The following TENM1 variants were observed in gnomAD, a reference collection of about 807,000 sequenced individuals.
TENM1 encodes the protein teneurin transmembrane protein 1.
Under a neutral mutation model 174.8 loss-of-function variants are expected in TENM1, and 35 were observed. That is an observed-to-expected ratio of 0.20 (90% CI 0.15 to 0.27). The LOEUF is 0.27. Among genes scored for constraint, TENM1 ranks in the 10% least tolerant of loss-of-function variants. The pLI, the probability that TENM1 is intolerant of heterozygous loss-of-function variation, is 1.00. For synonymous variants in TENM1, 781 were observed against 798.7 expected, an observed-to-expected ratio of 0.98 and a Z score of 0.37; for missense variants, 1,633 against 2,130.1, an observed-to-expected ratio of 0.77 and a Z score of 4.59.
the TENM1 span, among the ~76,000 whole-genome samples, chrX:124,971,861 G>T: frequency 8.9e-6 from 1 of 111,856 alleles, no homozygotes; most frequent in Non-Finnish European, 1.9e-5. Flanking sequence ...GTACGAGTTT[G>T]CTAGTTATAT....
chrX:124,402,309 A>G (rs2060409375), intron 27 of TENM1, among the ~76,000 whole-genome samples: 1 of 112,268 alleles, frequency 8.9e-6, no homozygotes, highest in Admixed American at 9.4e-5. Flanking sequence ...CACCTGGCCA[A>G]TAAGGGGCCT....
chrX:124,556,633 T>A (rs1459439069), intron 14 of TENM1, among the ~76,000 whole-genome samples: 2 of 110,942 alleles, frequency 1.8e-5, no homozygotes, highest in Non-Finnish European at 3.8e-5. Context: ...CTTACAGTTC[T>A]GATTTGCCTC....
intron 1 of TENM1, among the ~76,000 whole-genome samples, chrX:124,907,051 CTATA>C (rs1680239315): frequency 9.0e-6 from 1 of 111,303 alleles, no homozygotes; most frequent in Non-Finnish European, 1.9e-5. Flanking sequence ...CTCGTATACT[CTATA>C]TATAGTTTAT....
intron 3 of TENM1, among the ~76,000 whole-genome samples, chrX:124,871,118 T>C (rs1017766490): frequency 8.9e-6 from 1 of 111,910 alleles, no homozygotes; most frequent in South Asian, 3.7e-4. Flanking sequence ...TAATTGTAAC[T>C]TTGTACCCAC....
At chrX:125,184,537 C>T in the TENM1 span, among the ~76,000 whole-genome samples, 34 of 111,289 alleles carry the variant, frequency 3.1e-4, no homozygotes, top group South Asian at 0.012. Flanking sequence ...CTGACAAATA[C>T]GTTTTAAATT....
At chrX:124,693,700 T>C (rs1319441761) in intron 5 of TENM1, among the ~76,000 whole-genome samples, 2 of 111,580 alleles carry the variant, frequency 1.8e-5, no homozygotes, top group African/African-American at 6.5e-5. Flanking sequence ...TTAAGGCTTA[T>C]TAGGACTGAG....
chrX:124,628,325 T>C (rs1006121312), intron 11 of TENM1, among the ~76,000 whole-genome samples: 12 of 111,624 alleles, frequency 1.1e-4, no homozygotes, highest in Non-Finnish European at 1.7e-4. Context: ...TACTGCCATA[T>C]GCTAAAGCAC....
At chrX:125,149,406 G>C in the TENM1 span, among the ~76,000 whole-genome samples, 3 of 112,011 alleles carry the variant, frequency 2.7e-5, no homozygotes, top group Non-Finnish European at 5.6e-5. Context: ...CCAGACCACA[G>C]TTATTTGTGT....
chrX:124,483,195 G>A (rs2046882459), intron 21 of TENM1, among the ~76,000 whole-genome samples: 1 of 111,611 alleles, frequency 9.0e-6, no homozygotes, highest in African/African-American at 3.3e-5. Flanking sequence ...ATTCTTACAT[G>A]TCTTTTGAGG....
chrX:124,653,724 G>T, exon 7 of TENM1: 1 of 1,211,088 alleles, frequency 8.3e-7, no homozygotes, highest in Non-Finnish European at 1.1e-6. Flanking sequence ...GGAATGGTCT[G>T]CATGACCTGT....
intron 12 of TENM1, among the ~76,000 whole-genome samples, chrX:124,564,127 C>A (rs760493971): frequency 9.0e-6 from 1 of 111,683 alleles, no homozygotes; most frequent in South Asian, 3.7e-4. Flanking sequence ...TCTGGAGTAA[C>A]CACCTATGGT....
chrX:124,815,643 G>C (rs2055879545), intron 3 of TENM1, among the ~76,000 whole-genome samples: 1 of 110,732 alleles, frequency 9.0e-6, no homozygotes, highest in Non-Finnish European at 1.9e-5. Context: ...ATATTTTAGA[G>C]TCAATTTTCA....
At chrX:124,650,200 C>CA (rs755570562) in intron 8 of TENM1, among the ~76,000 whole-genome samples, 1,696 of 24,706 alleles carry the variant, frequency 0.069, 164 homozygotes, top group East Asian at 0.14. Context: ...AAACTGTCTC[C>CA]AAAAAAAAAA....
intron 1 of TENM1, among the ~76,000 whole-genome samples, chrX:124,941,720 T>C (rs2058329755): frequency 8.9e-6 from 1 of 112,057 alleles, no homozygotes; most frequent in Non-Finnish European, 1.9e-5. Flanking sequence ...TGTTGATTGC[T>C]AGCACCATCC....
the TENM1 span, among the ~76,000 whole-genome samples, chrX:125,181,899 T>C: frequency 2.9e-4 from 33 of 112,035 alleles, no homozygotes; most frequent in African/African-American, 1.0e-3. Flanking sequence ...TCAGTAATCA[T>C]GATCAACAAC....
At chrX:124,382,944 ATTTATTTAT>A in intron 30 of TENM1, 132 bp from the exon 34 acceptor site, 1 of 150,757 alleles carries the variant, frequency 6.6e-6, no homozygotes, top group Non-Finnish European at 1.2e-5. Context: ...ACTCCTATTT[ATTTATTTAT>A]TTATTTATTT....
the TENM1 span, among the ~76,000 whole-genome samples, chrX:125,026,187 A>G: frequency 1.0e-5 from 1 of 99,211 alleles, no homozygotes; most frequent in South Asian, 4.4e-4. Context: ...ATAAAGAAGG[A>G]GAAAAGGCAA....
intron 1 of TENM1, among the ~76,000 whole-genome samples, chrX:124,901,050 C>T (rs1026358332): frequency 1.8e-5 from 2 of 111,103 alleles, no homozygotes; most frequent in African/African-American, 6.5e-5. Context: ...CTTCAGCCTC[C>T]CAAAGTACTG....
intron 4 of TENM1, among the ~76,000 whole-genome samples, chrX:124,730,638 A>C (rs1411110657): frequency 8.9e-6 from 1 of 111,848 alleles, no homozygotes; most frequent in Non-Finnish European, 1.9e-5. Flanking sequence ...AGTGATTTCA[A>C]CTCCATAAAC....
Sources: allele counts gnomAD v4.1 joint callset (sites outside exome capture counted in the v4.1 genomes callset), GRCh38; gene constraint gnomAD v4.1.1; transcripts MANE v1.5; gene names NCBI Gene and HGNC (gene_info 2026-07-23, HGNC 2026-07-21).